Variants in ADGRD1 observed in about 807,000 individuals in gnomAD.
ADGRD1 encodes the protein adhesion G protein-coupled receptor D1, also known as G-protein coupled receptor 133.
In ADGRD1, 77 loss-of-function variants were observed where a neutral mutation model predicts 113.4. The observed-to-expected ratio is 0.68, with a 90% CI of 0.57 to 0.82. The LOEUF is 0.82. ADGRD1 is among the 40% of genes least tolerant of loss of function. ADGRD1 has a pLI of 0.00. For missense variants in ADGRD1, 1,036 were observed against 1,139.1 expected (o/e 0.91, Z 1.30); for synonymous variants, 474 against 475.0 (o/e 1.00, Z 0.03).
chr12:131,108,963 C>A, intron 18 of ADGRD1, 86 bp downstream of exon 18: 3 of 308,894 alleles, frequency 9.7e-6, no homozygotes, highest in South Asian at 4.8e-5. Context: ...CAGGATGAGA[C>A]AGGTGGAAGT....
rs564006492 is a variant in ADGRD1, at chr12:131,041,175, C to G, written c.1473+26835C>G. Among the ~76,000 whole-genome samples, 2 of 152,142 alleles carry G rather than the reference C, an allele frequency of 1.3e-5. No individual in the cohort carries two copies. Among genetic ancestry groups the G allele is most frequent in the Admixed American group, 6.5e-5 (1 of 15,274 alleles). ...AGGGACTTCACTGAGCACAGAAAAT[C>G]GGGGGTCTTGGTGCTGGCCACTGGC... On this transcript the variant is annotated intron_variant, in intron 13 of 24. Transcript: ENST00000261654. This position sits in a 1 kb window ranked among gnomAD's most constrained non-coding sequence, Gnocchi z 4.4.
intron 5 of ADGRD1, among the ~76,000 whole-genome samples, chr12:130,985,377 G>C (rs1873527514): frequency 1.3e-5 from 2 of 152,070 alleles, no homozygotes; most frequent in South Asian, 4.1e-4. Context: ...AGTCCAGCTT[G>C]TCAATTATTT....
chr12:131,074,628 C>A (rs893522221), intron 13 of ADGRD1, among the ~76,000 whole-genome samples: 1 of 152,238 alleles, frequency 6.6e-6, no homozygotes, highest in South Asian at 2.1e-4. Flanking sequence ...AACACACCCA[C>A]CCCACGTCAC....
chr12:131,083,315 T>C (rs1886210561), intron 14 of ADGRD1, among the ~76,000 whole-genome samples: 1 of 152,010 alleles, frequency 6.6e-6, no homozygotes, highest in Non-Finnish European at 1.5e-5. Context: ...TTTGAAAATA[T>C]AGAAGACAGG....
intron 12 of ADGRD1, among the ~76,000 whole-genome samples, chr12:131,010,696 G>A (rs1434287017): frequency 2.0e-5 from 3 of 152,202 alleles, no homozygotes; most frequent in Non-Finnish European, 4.4e-5. Context: ...CGTGGGGCCA[G>A]GTAGTAACTT....
In ADGRD1 at chr12:130,981,804, A is replaced by G. The variant is rs1001766145; in HGVS notation, c.311-80A>G. On this transcript the variant is annotated intron_variant, in intron 4 of 24. Coordinates refer to ENST00000261654, the MANE Select transcript of ADGRD1 (RefSeq NM_198827.5). ...CAAAATGCTTTTCGAATGAAAAATA[A>G]AAAGCAAAGAGAACCATGTGCTTGC... 8 of 943,776 alleles carry G rather than the reference A, an allele frequency of 8.5e-6. No individual in the cohort carries two copies. In the African/African-American group the frequency reaches 1.1e-4, roughly 13 times the overall value. 58.5% of individuals were successfully genotyped at this position (943,776 alleles called of 1,614,324 possible).
At chr12:130,981,021 A>G (rs74850305) in intron 4 of ADGRD1, 10,424 of 152,248 alleles carry the variant, frequency 0.068, 532 homozygotes, top group African/African-American at 0.14. Flanking sequence ...TGCAGACTAG[A>G]GTCTTGAAAA....
intron 2 of ADGRD1, chr12:130,957,004 C>G (rs895170095): frequency 1.3e-5 from 2 of 152,440 alleles, no homozygotes; most frequent in South Asian, 2.1e-4. Flanking sequence ...CATGCATACA[C>G]ATGCAAAAGC....
intron 13 of ADGRD1, among the ~76,000 whole-genome samples, chr12:131,051,053 C>G (rs527486479): frequency 6.6e-6 from 1 of 152,200 alleles, no homozygotes; most frequent in African/African-American, 2.4e-5. Flanking sequence ...CCGCATGATC[C>G]AGTCACCTCC....
Position 131,108,641 on chromosome 12 carries a change from T to C in ADGRD1, c.1888-83T>C, listed in dbSNP as rs865831137. On this transcript the variant is annotated intron_variant, in intron 17 of 24. Transcript: ENST00000261654. The stretch of plus-strand genomic sequence containing the variant: ...CATGACCAAAAGACCACCCAGGACA[T>C]GGATACTGGGAGGCTGGGATCATAG... 8 of 1,587,166 alleles carry C rather than the reference T, an allele frequency of 5.0e-6. No individual in the cohort carries two copies. The South Asian group carries it at 7.8e-5, about 16-fold the overall frequency.
intron 12 of ADGRD1, among the ~76,000 whole-genome samples, chr12:131,006,764 T>G (rs1877182157): frequency 6.6e-6 from 1 of 151,894 alleles, no homozygotes; most frequent in African/African-American, 2.4e-5. Flanking sequence ...AATTTTGTGA[T>G]CTGGAGGAAA....
intron 18 of ADGRD1, among the ~76,000 whole-genome samples, chr12:131,114,638 G>T (rs369047987): frequency 1.3e-5 from 2 of 152,152 alleles, no homozygotes; most frequent in Non-Finnish European, 2.9e-5. Context: ...AGAGCATGGT[G>T]GGGGGAGCCC....
At chr12:130,992,152 C>T (rs1224767663) in intron 7 of ADGRD1, 85 bp from the exon 8 acceptor site, 8 of 991,646 alleles carry the variant, frequency 8.1e-6, no homozygotes, top group South Asian at 1.8e-5. Flanking sequence ...AAAAAGCATT[C>T]GACCCAGAGT....
intron 20 of ADGRD1, among the ~76,000 whole-genome samples, chr12:131,127,961 G>A (rs1950786568): frequency 1.3e-5 from 1 of 76,222 alleles, no homozygotes; most frequent in Non-Finnish European, 2.5e-5. Flanking sequence ...GGTTGGGTTG[G>A]TTGTGATGGG....
Position 130,979,815 on chromosome 12 carries a change from TCTCACACACACACA to T in ADGRD1, c.311-2067_311-2054del, listed in dbSNP as rs1441158280. On this transcript the variant is annotated intron_variant, in intron 4 of 24. Coordinates refer to ENST00000261654, the MANE Select transcript of ADGRD1 (RefSeq NM_198827.5). ...GCAGAATCCAGACAGGCAGCTAGTG[TCTCACACACACACA>T]CACACACACACACACACACACACAC... Among the ~76,000 whole-genome samples, 532 of 139,836 alleles carry T rather than the reference TCTCACACACACACA, an allele frequency of 3.8e-3. 4 individuals are homozygous for T. The highest frequency in any genetic ancestry group is 0.014 in the African/African-American group (487 of 34,440). 91.7% of individuals were successfully genotyped at this position (139,836 alleles called of 152,430 possible).
intron 14 of ADGRD1, among the ~76,000 whole-genome samples, chr12:131,082,199 A>G (rs886811987): frequency 6.6e-6 from 1 of 152,160 alleles, no homozygotes; most frequent in Non-Finnish European, 1.5e-5. Flanking sequence ...GTGGACACAC[A>G]TGTTTTTTAC....
chr12:131,103,539 CT>C (rs1432580475), intron 15 of ADGRD1, among the ~76,000 whole-genome samples: 1 of 151,780 alleles, frequency 6.6e-6, no homozygotes, highest in Non-Finnish European at 1.5e-5. Flanking sequence ...CCATGGCCCC[CT>C]GGCCCCAGGT....
chr12:130,995,254 C>T (rs1875083737), intron 8 of ADGRD1, among the ~76,000 whole-genome samples: 1 of 152,184 alleles, frequency 6.6e-6, no homozygotes, highest in African/African-American at 2.4e-5. Context: ...CAGGGCTGCC[C>T]TCTGCGGAGC....
intron 17 of ADGRD1, among the ~76,000 whole-genome samples, chr12:131,107,402 G>A (rs35250304): frequency 1.6e-5 from 1 of 64,254 alleles, no homozygotes; most frequent in Non-Finnish European, 3.2e-5. Context: ...TGTCTAAATC[G>A]CAGGGAAGGG....
Sources: gnomAD v4.1 joint callset for allele counts (sites outside exome capture counted in the v4.1 genomes callset) on GRCh38, gnomAD v4.1.1 for gene constraint, Gnocchi (gnomAD v3.1) non-coding constraint, MANE v1.5 for transcripts, NCBI Gene and HGNC (gene_info 2026-07-23, HGNC 2026-07-21) for gene names.